Variants in LSM14A observed in about 807,000 individuals in gnomAD.
LSM14A encodes the protein LSM14A mRNA processing body assembly factor, also known as protein LSM14 homolog A.
Under a neutral mutation model 52.4 loss-of-function variants are expected in LSM14A, and 14 were observed. The ratio of observed to expected loss-of-function variants is 0.27; its 90% CI spans 0.18 to 0.42. LSM14A has a LOEUF of 0.42. Among genes scored for constraint, LSM14A ranks in the 10% least tolerant of loss-of-function variants. The probability of loss-of-function intolerance (pLI) is 1.00; values close to 1 mark genes in which losing one functional copy is unlikely to be tolerated. For missense variants in LSM14A, 417 were observed against 581.8 expected, an observed-to-expected ratio of 0.72 and a Z score of 2.91; for synonymous variants, 185 against 200.3, an observed-to-expected ratio of 0.92 and a Z score of 0.64.
At chr19:34,187,535 C>T (rs1224689104) in intron 1 of LSM14A, among the ~76,000 whole-genome samples, 1 of 152,050 alleles carries the variant, frequency 6.6e-6, no homozygotes. Context: ...GGTGATCTGC[C>T]CACCTTGCCC....
intron 4 of LSM14A, among the ~76,000 whole-genome samples, chr19:34,209,722 A>C (rs1385313196): frequency 1.3e-5 from 2 of 151,990 alleles, no homozygotes; most frequent in African/African-American, 4.8e-5. Context: ...TACTTATTAG[A>C]GATGAGGTCT....
At chr19:34,217,828 A>G (rs1158873498) in intron 6 of LSM14A, among the ~76,000 whole-genome samples, 1 of 150,690 alleles carries the variant, frequency 6.6e-6, no homozygotes, top group Non-Finnish European at 1.5e-5. Context: ...TACCCTTTTT[A>G]TTCAGAAAAA....
chr19:34,229,178 G>A lies in LSM14A; in HGVS notation c.*1790G>A, dbSNP rs150330390. On this transcript the variant is annotated 3_prime_UTR_variant, in exon 10 of 10. Transcript: ENST00000544216. ...TCCCAGCCCTCCGAATCACTGACTG[G>A]GGCGTTTTGTGCCCCAGCAATAACT... is the stretch of plus-strand genomic sequence containing the variant. 1 of 152,268 alleles carries A rather than the reference G, an allele frequency of 6.6e-6. No homozygotes were observed. The highest frequency in any genetic ancestry group is 1.9e-4 in the East Asian group (1 of 5,188). 9.4% of individuals were successfully genotyped at this position (152,268 alleles called of 1,614,324 possible). A position where few individuals can be genotyped will look rare whatever the true frequency, so the allele number is the denominator to read the frequency against.
Position 34,208,966 on chromosome 19 carries a change from A to G in LSM14A, c.453A>G (p.Ser151=). 1 of 1,610,272 alleles carries G rather than the reference A, an allele frequency of 6.2e-7. No homozygotes were observed. ...SSLTSFGTET[S]NSGTLPQSSA... is the part of the protein sequence containing the mutation. ...TGACATCCTTTGGAACAGAAACATC[A>G]AACAGTGGTACCTTACCCCAAAGTA... Residue 151 remains serine, a synonymous_variant, in exon 4 of 10, where the codon TCA becomes TCG. Coordinates refer to ENST00000544216, the MANE Select transcript of LSM14A (RefSeq NM_015578.4).
At chr19:34,199,046 TTAG>T (rs1305364054) in intron 3 of LSM14A, among the ~76,000 whole-genome samples, 1 of 152,174 alleles carries the variant, frequency 6.6e-6, no homozygotes, top group Non-Finnish European at 1.5e-5. Context: ...TTTTACACTC[TTAG>T]TAGGATATAT....
At chr19:34,226,603 T>G (rs1391681335) in intron 9 of LSM14A, 10 of 691,826 alleles carry the variant, frequency 1.4e-5, no homozygotes, top group Non-Finnish European at 2.0e-5. Flanking sequence ...TGTTTTGGTG[T>G]TGTATACACA....
rs377031401 is a variant in LSM14A, at chr19:34,177,103, C to T, written c.121+4340C>T. ...TTTGAAATCTTTTCCTTTTTTAAAT[C>T]GAAACACGTCTTTTTCTAGAGTTCT... On this transcript the variant is annotated intron_variant, in intron 1 of 9. Transcript: ENST00000544216. Among the ~76,000 whole-genome samples, 15 of 152,138 alleles carry T rather than the reference C, an allele frequency of 9.9e-5. No individual in the cohort carries two copies. The East Asian group carries it at 2.5e-3, about 25-fold the overall frequency.
At chr19:34,212,026 TAGGC>T (rs1393858123) in intron 4 of LSM14A, among the ~76,000 whole-genome samples, 2 of 151,870 alleles carry the variant, frequency 1.3e-5, no homozygotes, top group African/African-American at 2.4e-5. Context: ...TAGAAAGCAA[TAGGC>T]AGGCAGAAAC....
intron 3 of LSM14A, among the ~76,000 whole-genome samples, chr19:34,205,948 A>G (rs192788542): frequency 5.1e-4 from 77 of 152,318 alleles, no homozygotes; most frequent in Admixed American, 4.3e-3. Context: ...CCAGGAATGA[A>G]AGAGTAGACG....
chr19:34,217,212 C>G (rs1277671136), intron 6 of LSM14A, among the ~76,000 whole-genome samples: 1 of 144,270 alleles, frequency 6.9e-6, no homozygotes, highest in Non-Finnish European at 1.5e-5. Flanking sequence ...GAGCCAAGAT[C>G]GTACCACTGC....
At chr19:34,181,434 C>G (rs573411978) in intron 1 of LSM14A, among the ~76,000 whole-genome samples, 52 of 152,180 alleles carry the variant, frequency 3.4e-4, no homozygotes, top group Non-Finnish European at 6.2e-4. Context: ...GGTTTTTATT[C>G]CTACATATGA....
At chr19:34,213,192 T>A (rs1274421373) in intron 4 of LSM14A, among the ~76,000 whole-genome samples, 3 of 151,958 alleles carry the variant, frequency 2.0e-5, no homozygotes, top group Non-Finnish European at 2.9e-5. Context: ...TATAAGTGAT[T>A]ATAAAATGTT....
At chr19:34,190,602 A>G (rs1474611295) in intron 1 of LSM14A, among the ~76,000 whole-genome samples, 1 of 150,554 alleles carries the variant, frequency 6.6e-6, no homozygotes, top group Admixed American at 6.6e-5. Context: ...GTGTAAGTTT[A>G]GATACTACTA....
At chr19:34,220,865 T>C (rs1478979498) in intron 8 of LSM14A, among the ~76,000 whole-genome samples, 1 of 152,082 alleles carries the variant, frequency 6.6e-6, no homozygotes, top group East Asian at 1.9e-4. Flanking sequence ...CTGTCTGACT[T>C]TACCTTCTTT....
intron 1 of LSM14A, among the ~76,000 whole-genome samples, chr19:34,184,505 C>G (rs1473658964): frequency 6.6e-6 from 1 of 152,130 alleles, no homozygotes; most frequent in Admixed American, 6.5e-5. Flanking sequence ...AGATTCATTA[C>G]ATGGAGTTCA....
intron 4 of LSM14A, among the ~76,000 whole-genome samples, chr19:34,212,527 G>A (rs1463232248): frequency 6.6e-6 from 1 of 152,140 alleles, no homozygotes; most frequent in Non-Finnish European, 1.5e-5. Flanking sequence ...AGAAAGAGGT[G>A]TATTTACATA....
At position 34,217,993 on chromosome 19, in the gene LSM14A, C is replaced by CT. The variant is rs56321625; in HGVS notation, c.782-1377dup. On this transcript the variant is annotated intron_variant, in intron 6 of 9. Transcript: ENST00000544216. ...AGACACAGACATCTATACCCAAAAC[C>CT]TTTTTTTTTTTTTTTTTTTTTCCCC... is the stretch of plus-strand genomic sequence containing the variant. Among the ~76,000 whole-genome samples, 123 of 108,152 alleles carry CT rather than the reference C, an allele frequency of 1.1e-3. No homozygotes were observed. In the East Asian group the frequency reaches 0.014, roughly 12 times the overall value. The allele number at this position is 108,152 out of a possible 152,430, so 71.0% of individuals were successfully genotyped here.
rs568930016 is a variant in LSM14A at position 34,175,527 on chromosome 19, C to G, written c.121+2764C>G. Reference sequence around the variant, plus strand: ...GATTACAGGCATGAGCCACCGCACCCGGCTGCTTTTTCTTAAGCAACATGA... The same window carrying G: ...GATTACAGGCATGAGCCACCGCACCGGGCTGCTTTTTCTTAAGCAACATGA... On this transcript the variant is annotated intron_variant, in intron 1 of 9. Transcript: ENST00000544216. Among the ~76,000 whole-genome samples the G allele has an allele frequency of 3.3e-5, 5 of 152,270 alleles. No homozygotes were observed. The South Asian group carries it at 1.0e-3, about 32-fold the overall frequency.
chr19:34,226,760 G>A (rs888081653), intron 9 of LSM14A, among the ~76,000 whole-genome samples: 1 of 152,142 alleles, frequency 6.6e-6, no homozygotes, highest in Non-Finnish European at 1.5e-5. Context: ...TTAGTTTAGG[G>A]TCAGTCTCTC....
Sources: allele counts gnomAD v4.1 joint callset (sites outside exome capture counted in the v4.1 genomes callset), GRCh38; gene constraint gnomAD v4.1.1; transcripts MANE v1.5; gene names NCBI Gene and HGNC (gene_info 2026-07-23, HGNC 2026-07-21).